BLTP1: variants seen among roughly 807,000 people sequenced by gnomAD.
BLTP1 encodes the protein bridge-like lipid transfer protein family member 1.
chr4:122,302,820 C>G, the BLTP1 span, among the ~76,000 whole-genome samples: 1 of 152,174 alleles, frequency 6.6e-6, no homozygotes, highest in South Asian at 2.1e-4. Flanking sequence ...ACAACATTCC[C>G]CTAAGCTAAA....
the BLTP1 span, among the ~76,000 whole-genome samples, chr4:122,321,046 G>T: frequency 6.8e-5 from 10 of 147,594 alleles, no homozygotes; most frequent in African/African-American, 2.0e-4. Context: ...ATTCTTCTCG[G>T]CTTATGATTG....
chr4:122,170,782 A>C, the BLTP1 span: 3 of 1,444,332 alleles, frequency 2.1e-6, no homozygotes, highest in Non-Finnish European at 2.8e-6. Context: ...ATTGTGTTTT[A>C]AGTATGGATT....
the BLTP1 span, among the ~76,000 whole-genome samples, chr4:122,160,624 A>C: frequency 1.3e-5 from 2 of 152,234 alleles, no homozygotes; most frequent in East Asian, 3.8e-4. Flanking sequence ...GTTAGTGCTT[A>C]GACCATTTTT....
At chr4:122,355,979 C>T in the BLTP1 span, 5 of 1,605,164 alleles carry the variant, frequency 3.1e-6, no homozygotes, top group East Asian at 2.2e-5. Flanking sequence ...CCACAGGAGC[C>T]TTCATTACAG....
At chr4:122,179,882 G>C in the BLTP1 span, 1,282 of 985,024 alleles carry the variant, frequency 1.3e-3, 9 homozygotes, top group African/African-American at 0.021. Context: ...TATCCTCCCT[G>C]CCCCCCACAT....
At chr4:122,247,719 A>C in the BLTP1 span, 1 of 1,030,796 alleles carries the variant, frequency 9.7e-7, no homozygotes, top group Non-Finnish European at 1.2e-6. Context: ...TGTTTGTAAA[A>C]CAGTGTTAGA....
At chr4:122,197,079 G>A in the BLTP1 span, 1 of 631,608 alleles carries the variant, frequency 1.6e-6, no homozygotes, top group South Asian at 3.3e-5. Flanking sequence ...TTGTTCTTAG[G>A]AACTTGTAAT....
the BLTP1 span, chr4:122,245,010 T>C: frequency 5.0e-6 from 8 of 1,603,550 alleles, no homozygotes; most frequent in South Asian, 9.0e-5. Flanking sequence ...TTACTGTTTT[T>C]TCCCCTCAGA....
At chr4:122,187,201 T>A in the BLTP1 span, 1 of 979,106 alleles carries the variant, frequency 1.0e-6, no homozygotes, top group African/African-American at 1.7e-5. Context: ...CATAGTTTTG[T>A]TATAATAGCT....
chr4:122,335,574 C>A, the BLTP1 span, among the ~76,000 whole-genome samples: 1 of 152,096 alleles, frequency 6.6e-6, no homozygotes, highest in Non-Finnish European at 1.5e-5. Flanking sequence ...GCTAACAAGG[C>A]ACATCTGTGT....
the BLTP1 span, chr4:122,340,768 G>T: frequency 4.1e-6 from 4 of 982,882 alleles, no homozygotes; most frequent in Non-Finnish European, 2.4e-6. Flanking sequence ...ATATTGTAGT[G>T]GTAGTGTTGG....
chr4:122,277,154 T>C, the BLTP1 span: 1 of 798,998 alleles, frequency 1.3e-6, no homozygotes, highest in Non-Finnish European at 1.5e-6. Flanking sequence ...CTGAGAAATA[T>C]AATGAGACCC....
the BLTP1 span, chr4:122,256,795 T>C: frequency 2.0e-6 from 1 of 501,834 alleles, no homozygotes; most frequent in Non-Finnish European, 2.6e-6. Flanking sequence ...GCATACTACA[T>C]AAGTTATAGT....
chr4:122,247,198 A>G, the BLTP1 span: 2 of 1,613,358 alleles, frequency 1.2e-6, no homozygotes, highest in East Asian at 2.2e-5. Flanking sequence ...AGAACCTGGT[A>G]GAACATCAAA....
chr4:122,201,281 A>C, the BLTP1 span, among the ~76,000 whole-genome samples: 2 of 152,214 alleles, frequency 1.3e-5, no homozygotes, highest in African/African-American at 4.8e-5. Context: ...AGAAAATTTA[A>C]ATATAGACAT....
chr4:122,243,291 C>A, the BLTP1 span: 2 of 576,406 alleles, frequency 3.5e-6, no homozygotes, highest in Non-Finnish European at 4.4e-6. Flanking sequence ...AAATTGCTGA[C>A]TAATAAGACT....
chr4:122,257,625 T>G, the BLTP1 span: 2 of 808,358 alleles, frequency 2.5e-6, no homozygotes, highest in Non-Finnish European at 2.0e-6. Context: ...TTAATATACC[T>G]CTTTAAAAAT....
chr4:122,181,749 C>T, the BLTP1 span, among the ~76,000 whole-genome samples: 2 of 151,842 alleles, frequency 1.3e-5, no homozygotes, highest in Non-Finnish European at 2.9e-5. Flanking sequence ...TACTATTTGA[C>T]ATCATGTCTT....
At chr4:122,285,445 A>G in the BLTP1 span, among the ~76,000 whole-genome samples, 1 of 152,126 alleles carries the variant, frequency 6.6e-6, no homozygotes, top group African/African-American at 2.4e-5. Context: ...ATGATAGTCA[A>G]GGAGTCTCTT....
Sources: allele counts gnomAD v4.1 joint callset (sites outside exome capture counted in the v4.1 genomes callset), GRCh38; gene constraint gnomAD v4.1.1; transcripts MANE v1.5; gene names NCBI Gene and HGNC (gene_info 2026-07-23, HGNC 2026-07-21).